CGGBP1: variants seen among roughly 807,000 people sequenced by gnomAD.
The protein encoded by CGGBP1 is CGG triplet repeat binding protein 1, also known as CGG triplet repeat-binding protein 1.
In CGGBP1, 4 loss-of-function variants were observed where a neutral mutation model predicts 11.4. The ratio of observed to expected loss-of-function variants is 0.35; its 90% CI spans 0.17 to 0.80. The LOEUF (loss-of-function observed/expected upper bound fraction) is 0.80, where lower values mean the gene tolerates loss of function less well. Ranked by LOEUF, CGGBP1 falls within the 30% of genes least tolerant of loss-of-function variation. CGGBP1 has a pLI of 0.52. For missense variants in CGGBP1, 135 were observed against 202.1 expected (o/e 0.67, Z 2.01); for synonymous variants, 76 against 74.1 (o/e 1.03, Z -0.13).
intron 2 of CGGBP1, among the ~76,000 whole-genome samples, chr3:88,125,227 C>CA (rs1233175146): frequency 2.0e-5 from 3 of 147,526 alleles, no homozygotes; most frequent in East Asian, 4.0e-4. Context: ...AAAAAAAAAA[C>CA]AAAAAAACAA....
At chr3:88,070,382 T>G (rs1338491819) in intron 2 of CGGBP1, among the ~76,000 whole-genome samples, 1 of 152,088 alleles carries the variant, frequency 6.6e-6, no homozygotes, top group African/African-American at 2.4e-5. Flanking sequence ...ACGTAATGAT[T>G]GAGGTAAAGT....
intron 1 of CGGBP1, chr3:88,141,721 A>C: frequency 7.9e-7 from 1 of 1,258,084 alleles, no homozygotes; most frequent in Non-Finnish European, 1.1e-6. Context: ...AAAATGCATC[A>C]TCAGTTTGCT....
At chr3:88,126,281 G>T (rs1706091989) in intron 2 of CGGBP1, 1 of 1,467,346 alleles carries the variant, frequency 6.8e-7, no homozygotes, top group Non-Finnish European at 9.0e-7. Flanking sequence ...TACTTCAGGA[G>T]ATTCAAAATC....
intron 2 of CGGBP1, among the ~76,000 whole-genome samples, chr3:88,135,879 T>C (rs577320038): frequency 6.6e-6 from 1 of 152,152 alleles, no homozygotes; most frequent in Non-Finnish European, 1.5e-5. Flanking sequence ...TGAATCTCTA[T>C]GTTGGTTACT....
At position 88,138,876 on chromosome 3, in the gene CGGBP1, C is replaced by T. The variant is rs1576355325; in HGVS notation, c.-229+2094G>A. The T allele has an allele frequency of 1.1e-5, 13 of 1,231,876 alleles. No homozygotes were observed. The South Asian group carries it at 1.2e-4, about 12-fold the overall frequency. 76.3% of individuals were successfully genotyped at this position (1,231,876 alleles called of 1,614,324 possible). ...TGCACTCTCAATATTTTTTCTGGAG[C>T]GCTCCTTAGAAGCGTATCGTACTGT... On this transcript the variant is annotated intron_variant, in intron 2 of 3. Coordinates refer to the CGGBP1 transcript ENST00000462901.
chr3:88,059,650 C>T (rs915586516), upstream of CGGBP1: 6 of 1,256,390 alleles, frequency 4.8e-6, no homozygotes, highest in Middle Eastern at 2.4e-4. Context: ...CCCTCCTCCA[C>T]TTATCCGGCT....
upstream of CGGBP1, chr3:88,059,311 G>T (rs1432164961): frequency 3.3e-6 from 5 of 1,533,210 alleles, no homozygotes; most frequent in South Asian, 1.2e-5. Flanking sequence ...GCTGGGCGGC[G>T]AGAGCCTCAT....
At chr3:88,101,393 CT>C (rs1342723498) in intron 2 of CGGBP1, among the ~76,000 whole-genome samples, 2 of 152,088 alleles carry the variant, frequency 1.3e-5, no homozygotes, top group Non-Finnish European at 2.9e-5. Context: ...ATTTTGGATA[CT>C]TTCACTTAGA....
In CGGBP1 at chr3:88,138,341, T is replaced by C. The variant is rs1248402979; in HGVS notation, c.-229+2629A>G. Among the ~76,000 whole-genome samples, 14 of 152,118 alleles carry C rather than the reference T, an allele frequency of 9.2e-5. No homozygotes were observed. In the East Asian group the frequency reaches 2.5e-3, roughly 27 times the overall value. On this transcript the variant is annotated intron_variant, in intron 2 of 3. Transcript: ENST00000462901. ...AAAATACACATAATTTTGACCCTTCTCTCAAAGAATATGAGATTTGTACCT... is the reference window on the plus strand; with the variant it reads ...AAAATACACATAATTTTGACCCTTCCCTCAAAGAATATGAGATTTGTACCT...
chr3:88,112,539 T>C (rs539073082), intron 2 of CGGBP1, among the ~76,000 whole-genome samples: 48 of 152,118 alleles, frequency 3.2e-4, no homozygotes, highest in African/African-American at 1.2e-3. Context: ...ACTACAGAAT[T>C]TGAGCCATCC....
At chr3:88,123,985 T>C (rs1399478156) in intron 2 of CGGBP1, among the ~76,000 whole-genome samples, 1 of 152,218 alleles carries the variant, frequency 6.6e-6, no homozygotes, top group African/African-American at 2.4e-5. Flanking sequence ...GTGTTCCATG[T>C]ATGTTAAATT....
intron 2 of CGGBP1, among the ~76,000 whole-genome samples, chr3:88,111,959 C>T (rs561151782): frequency 6.6e-6 from 1 of 151,922 alleles, no homozygotes; most frequent in Non-Finnish European, 1.5e-5. Flanking sequence ...TTACTTTCTG[C>T]GAAATATTCT....
intron 2 of CGGBP1, among the ~76,000 whole-genome samples, chr3:88,110,995 T>C (rs1389217215): frequency 6.6e-6 from 1 of 152,060 alleles, no homozygotes; most frequent in Non-Finnish European, 1.5e-5. Flanking sequence ...CTACCATCTG[T>C]GCTTTAGATA....
chr3:88,130,894 A>T (rs1165411347), intron 2 of CGGBP1, among the ~76,000 whole-genome samples: 1 of 152,130 alleles, frequency 6.6e-6, no homozygotes, highest in Non-Finnish European at 1.5e-5. Flanking sequence ...GATTATGCTA[A>T]TTTTTATTTA....
At chr3:88,149,595 T>C (rs1188158952) in intron 1 of CGGBP1, 1 of 155,208 alleles carries the variant, frequency 6.4e-6, no homozygotes, top group Non-Finnish European at 1.4e-5. Flanking sequence ...GCAGAAGACA[T>C]TCAAGCGCTC....
chr3:88,083,048 C>T (rs1439524942), intron 2 of CGGBP1, among the ~76,000 whole-genome samples: 1 of 151,796 alleles, frequency 6.6e-6, no homozygotes, highest in Non-Finnish European at 1.5e-5. Flanking sequence ...CCTCACTCCT[C>T]CTCCCTCTTC....
chr3:88,058,645 G>GACT (rs2107566110), intron 1 of CGGBP1, among the ~76,000 whole-genome samples, 170 bp downstream of exon 1: 1 of 152,334 alleles, frequency 6.6e-6, no homozygotes, highest in Non-Finnish European at 1.5e-5. Flanking sequence ...GGCGGCGGCA[G>GACT]GCGCCTGGCG....
rs558573869 is a variant in CGGBP1 at position 88,080,170 on chromosome 3, C to T, written c.-228-21947G>A. 3.7e-4 allele frequency among the ~76,000 whole-genome samples: 56 copies of T among 152,064 alleles called. No homozygotes were observed. The South Asian group carries it at 0.011, about 29-fold the overall frequency. ...TATGCATTGTTTGTCAGATGAGCAT[C>T]GAACTAAATAGCTGAAACTCAGCAG... On this transcript the variant is annotated intron_variant, in intron 2 of 3. Transcript: ENST00000462901.
At chr3:88,070,661 C>G (rs1245897575) in intron 2 of CGGBP1, among the ~76,000 whole-genome samples, 3 of 146,536 alleles carry the variant, frequency 2.0e-5, no homozygotes, top group Non-Finnish European at 3.0e-5. Context: ...AACAGCAGGG[C>G]TGAATAATTG....
Sources: allele counts gnomAD v4.1 joint callset (sites outside exome capture counted in the v4.1 genomes callset), GRCh38; gene constraint gnomAD v4.1.1; transcripts MANE v1.5; gene names NCBI Gene and HGNC (gene_info 2026-07-23, HGNC 2026-07-21).